STARD13: variants seen among roughly 807,000 people sequenced by gnomAD.
The protein encoded by STARD13 is stAR-related lipid transfer protein 13.
In STARD13, 62 loss-of-function variants were observed where a neutral mutation model predicts 106.4. The observed-to-expected ratio is 0.58, with a 90% CI of 0.48 to 0.72. STARD13 has a LOEUF of 0.72. Ranked by LOEUF, STARD13 falls within the 30% of genes least tolerant of loss-of-function variation. STARD13 has a pLI of 0.00. For missense variants in STARD13, 1,387 were observed against 1,424.0 expected, an observed-to-expected ratio of 0.97 and a Z score of 0.42; for synonymous variants, 565 against 553.0, an observed-to-expected ratio of 1.02 and a Z score of -0.31.
chr13:33,464,229 G>A, the STARD13 span, among the ~76,000 whole-genome samples: 1 of 151,754 alleles, frequency 6.6e-6, no homozygotes, highest in Non-Finnish European at 1.5e-5. Context: ...TGAAATGGGA[G>A]ATGGATAAAG....
At chr13:33,151,509 G>C (rs1301198349) in intron 3 of STARD13, among the ~76,000 whole-genome samples, 1 of 152,130 alleles carries the variant, frequency 6.6e-6, no homozygotes, top group East Asian at 1.9e-4. Flanking sequence ...CTTTCATGAG[G>C]GATCTGCCTC....
At chr13:33,498,441 A>T in the STARD13 span, among the ~76,000 whole-genome samples, 2 of 152,216 alleles carry the variant, frequency 1.3e-5, no homozygotes, top group African/African-American at 4.8e-5. Flanking sequence ...TCGACTTTTT[A>T]AAATATTTGC....
Position 33,116,725 on chromosome 13 carries a change from C to T in STARD13, c.2281+1340G>A, listed in dbSNP as rs142474690. Among the ~76,000 whole-genome samples, 6 of 152,370 alleles carry T rather than the reference C, an allele frequency of 3.9e-5. No homozygotes were observed. In the East Asian group the frequency reaches 1.2e-3, roughly 29 times the overall value. On this transcript the variant is annotated intron_variant, in intron 8 of 13. Transcript: ENST00000336934. ...AAAAATGTAGTTCAACCTCTCACAG[C>T]AACAACATCAAGAACTCCCTGTTTG...
chr13:33,506,209 A>G, the STARD13 span, among the ~76,000 whole-genome samples: 3 of 152,196 alleles, frequency 2.0e-5, no homozygotes, highest in Non-Finnish European at 4.4e-5. Flanking sequence ...AAGAAGCATT[A>G]AAGCACTTTC....
At chr13:33,637,334 C>T in the STARD13 span, among the ~76,000 whole-genome samples, 32,244 of 152,088 alleles carry the variant, frequency 0.21, 7,476 homozygotes, top group African/African-American at 0.56. Context: ...TCCACCACCA[C>T]ATTACAGGAA....
At chr13:33,445,732 A>T in the STARD13 span, among the ~76,000 whole-genome samples, 1 of 152,158 alleles carries the variant, frequency 6.6e-6, no homozygotes, top group African/African-American at 2.4e-5. Context: ...GAATTTGTAT[A>T]TAGAGAGATC....
intron 1 of STARD13, among the ~76,000 whole-genome samples, chr13:33,333,004 A>G (rs9537228): frequency 0.96 from 146,740 of 152,136 alleles, 70,969 homozygotes; most frequent in East Asian, 1. Flanking sequence ...TTTTTCTTAA[A>G]CTCTATAATA....
chr13:33,657,164 G>C, the STARD13 span, among the ~76,000 whole-genome samples: 1 of 152,170 alleles, frequency 6.6e-6, no homozygotes, highest in Non-Finnish European at 1.5e-5. Flanking sequence ...CAGCTACTCG[G>C]GAGGCTGAGG....
chr13:33,186,657 C>T (rs145242138), intron 1 of STARD13, among the ~76,000 whole-genome samples: 1 of 151,894 alleles, frequency 6.6e-6, no homozygotes, highest in African/African-American at 2.4e-5. Flanking sequence ...TTATTTACAT[C>T]CTAAAGAGTA....
chr13:33,171,264 A>G (rs537337660), intron 1 of STARD13, among the ~76,000 whole-genome samples: 1 of 152,316 alleles, frequency 6.6e-6, no homozygotes, highest in South Asian at 2.1e-4. Context: ...GCCTCAGCTC[A>G]CTGTAGCTGT....
At chr13:33,487,673 G>A in the STARD13 span, among the ~76,000 whole-genome samples, 1 of 152,226 alleles carries the variant, frequency 6.6e-6, no homozygotes, top group South Asian at 2.1e-4. Context: ...GTTAACCTTG[G>A]TCTATTACAA....
chr13:33,166,014 A>C (rs915707063), intron 2 of STARD13, among the ~76,000 whole-genome samples: 1 of 152,170 alleles, frequency 6.6e-6, no homozygotes, highest in Non-Finnish European at 1.5e-5. Context: ...ACATGGTGTG[A>C]ATTCTGGGTA....
chr13:33,557,940 A>G, the STARD13 span, among the ~76,000 whole-genome samples: 1 of 152,210 alleles, frequency 6.6e-6, no homozygotes, highest in Non-Finnish European at 1.5e-5. Context: ...TTTTCTGTGC[A>G]TCGGAACATT....
At chr13:33,531,022 T>C in the STARD13 span, among the ~76,000 whole-genome samples, 1 of 152,152 alleles carries the variant, frequency 6.6e-6, no homozygotes, top group Non-Finnish European at 1.5e-5. Context: ...CCACATGTTG[T>C]GGGAGGGATC....
chr13:33,140,754 T>C (rs1879701731), intron 4 of STARD13, among the ~76,000 whole-genome samples: 1 of 150,626 alleles, frequency 6.6e-6, no homozygotes, highest in Non-Finnish European at 1.5e-5. Context: ...ATAAAAACAC[T>C]TTCTTTTCTT....
intron 1 of STARD13, chr13:33,276,242 T>C (rs1201132682): frequency 6.6e-6 from 1 of 152,190 alleles, no homozygotes; most frequent in African/African-American, 2.4e-5. Context: ...GAAGGTGGTT[T>C]GATGATTAAG....
the STARD13 span, among the ~76,000 whole-genome samples, chr13:33,590,126 A>G: frequency 0.042 from 6,454 of 152,252 alleles, 190 homozygotes; most frequent in African/African-American, 0.073. Context: ...TCTCAGAGAA[A>G]TGCAAATCAA....
chr13:33,519,241 T>G, the STARD13 span, among the ~76,000 whole-genome samples: 1 of 150,852 alleles, frequency 6.6e-6, no homozygotes, highest in East Asian at 2.0e-4. Context: ...TCTTTCTTTC[T>G]TTCTTTCTTT....
the STARD13 span, among the ~76,000 whole-genome samples, chr13:33,623,551 T>C: frequency 6.6e-6 from 1 of 151,524 alleles, no homozygotes; most frequent in African/African-American, 2.4e-5. Context: ...GTTTTGGTAA[T>C]AGGGTTATTT....
Sources: gnomAD v4.1 joint callset for allele counts (sites outside exome capture counted in the v4.1 genomes callset) on GRCh38, gnomAD v4.1.1 for gene constraint, MANE v1.5 for transcripts, NCBI Gene and HGNC (gene_info 2026-07-23, HGNC 2026-07-21) for gene names.